Variants in VWCE observed in about 807,000 individuals in gnomAD.
The protein encoded by VWCE is von Willebrand factor C and EGF domains.
In VWCE, 68 loss-of-function variants were observed where a neutral mutation model predicts 102.9. The observed-to-expected ratio is 0.66, with a 90% confidence interval of 0.54 to 0.81. The LOEUF (loss-of-function observed/expected upper bound fraction) is 0.81, where lower values mean the gene tolerates loss of function less well. Ranked by LOEUF, VWCE falls within the 30% of genes least tolerant of loss-of-function variation. The pLI, the probability that VWCE is intolerant of heterozygous loss-of-function variation, is 0.00. For missense variants in VWCE, 1,137 were observed against 1,263.6 expected (o/e 0.90, Z 1.52); for synonymous variants, 497 against 515.4 (o/e 0.96, Z 0.48).
Position 61,259,187 on chromosome 11 carries a change from G to A in VWCE, c.2356C>T (p.Pro786Ser). The change falls in exon 20 of 20, where the codon CCC (proline) becomes TCC (serine). Residue 786 changes from proline to serine, a missense_variant. Physicochemically the swap from Pro to Ser is moderately conservative, Grantham distance 74 (BLOSUM62 -1). This residue lies in a region of VWCE where 316 missense variants were observed against 319.3 expected (regional missense o/e 0.99). Transcript: ENST00000335613. ...GGCCTCGAGGGTGATGCTGTCGGGGGCCCAGGACAGGAGCTACAGTTGACA... is the reference window on the plus strand; with the variant it reads ...GGCCTCGAGGGTGATGCTGTCGGGGACCCAGGACAGGAGCTACAGTTGACA... The part of the protein sequence containing the change: ...APVNCSSCPG[P>S]PTASPSRPVL... The A allele has an allele frequency of 6.2e-7, 1 of 1,614,206 alleles. No individual in the cohort carries two copies. Among genetic ancestry groups the A allele is most frequent in the Non-Finnish European group, 8.5e-7 (1 of 1,180,034 alleles).
At chr11:61,264,678 A>G (rs1854458939) in intron 18 of VWCE, 101 bp from the exon 19 acceptor site, 4 of 1,292,656 alleles carry the variant, frequency 3.1e-6, no homozygotes, top group African/African-American at 1.5e-5. Flanking sequence ...GACCCACGGA[A>G]AGATCCCAGG....
At chr11:61,285,176 G>A (rs376773646) in intron 5 of VWCE, among the ~76,000 whole-genome samples, 57 of 152,176 alleles carry the variant, frequency 3.7e-4, no homozygotes, top group Middle Eastern at 3.4e-3. Flanking sequence ...AGACTAAGAC[G>A]CGCAGGCTAT....
At chr11:61,291,618 G>T in intron 1 of VWCE, 42 bp from the exon 2 acceptor site, 1 of 1,374,168 alleles carries the variant, frequency 7.3e-7, no homozygotes, top group Non-Finnish European at 9.5e-7. Flanking sequence ...CTATACTGGG[G>T]GAGACATTGG....
In VWCE at chr11:61,280,629, C is replaced by G. The variant is rs1481099839; in HGVS notation, c.1319G>C (p.Cys440Ser). The change falls in exon 9 of 20, where the codon TGC (cysteine) becomes TCC (serine). Residue 440 changes from cysteine to serine, a missense_variant. Transcript: ENST00000335613. Reference protein sequence around the residue: ...PSRDGGCCPSCTGCFHSGVVR... With the variant: ...PSRDGGCCPSSTGCFHSGVVR... ...TCCCTGGCACCAGCTCTCACCTGTG[C>G]ACGATGGGCAGCACCCACCATCTCT... The G allele has an allele frequency of 6.2e-7, 1 of 1,614,022 alleles. No individual in the cohort carries two copies. Among genetic ancestry groups the G allele is most frequent in the South Asian group, 1.1e-5 (1 of 91,070 alleles).
At chr11:61,292,523 G>A (rs1002879029) in intron 1 of VWCE, among the ~76,000 whole-genome samples, 1 of 152,168 alleles carries the variant, frequency 6.6e-6, no homozygotes, top group Admixed American at 6.5e-5. Context: ...GGGAAAGGTT[G>A]AGAAGGGCAA....
At chr11:61,290,672 A>C (rs1209383499) in intron 4 of VWCE, 127 bp downstream of exon 4, 3 of 1,115,940 alleles carry the variant, frequency 2.7e-6, no homozygotes, top group Non-Finnish European at 3.7e-6. Context: ...GCCCACTCTC[A>C]AACATCAGAG....
intron 1 of VWCE, among the ~76,000 whole-genome samples, chr11:61,293,041 A>G (rs1412599081): frequency 6.6e-6 from 1 of 152,036 alleles, no homozygotes; most frequent in Admixed American, 6.6e-5. Context: ...CAGGAGTTTG[A>G]GACCAGCCTG....
Position 61,279,950 on chromosome 11 carries a change from C to G in VWCE, c.1324+674G>C, listed in dbSNP as rs573170855. Among the ~76,000 whole-genome samples the G allele has an allele frequency of 8.5e-5, 13 of 152,336 alleles. 1 individual carries two copies. Among genetic ancestry groups the G allele is most frequent in the African/African-American group, 3.1e-4 (13 of 41,560 alleles). On this transcript the variant is annotated intron_variant, in intron 9 of 19. Coordinates refer to ENST00000335613, the MANE Select transcript of VWCE (RefSeq NM_152718.2). ...CTATAGACACGGGGCTAGTCTCAAA[C>G]TCCTGGGCTCAAGTGATCCGCCCAC...
At chr11:61,292,479 G>A (rs556531033) in intron 1 of VWCE, among the ~76,000 whole-genome samples, 2 of 152,302 alleles carry the variant, frequency 1.3e-5, no homozygotes, top group South Asian at 4.1e-4. Context: ...AGGAGTGCCT[G>A]GCATGTAGTA....
chr11:61,288,685 A>G (rs939672913), intron 4 of VWCE, among the ~76,000 whole-genome samples: 2 of 152,306 alleles, frequency 1.3e-5, no homozygotes, highest in South Asian at 2.1e-4. Context: ...AAAGGCATTC[A>G]GGAGCAGATC....
intron 19 of VWCE, among the ~76,000 whole-genome samples, chr11:61,260,619 A>T (rs1191672376): frequency 6.6e-6 from 1 of 152,142 alleles, no homozygotes; most frequent in Non-Finnish European, 1.5e-5. Flanking sequence ...AATACAGCTC[A>T]CTTCCTGAAC....
At chr11:61,288,427 C>T (rs908972786) in intron 4 of VWCE, among the ~76,000 whole-genome samples, 3 of 152,058 alleles carry the variant, frequency 2.0e-5, no homozygotes, top group African/African-American at 7.2e-5. Context: ...ATGGGACACC[C>T]CCACTCTCCT....
rs545355573 is a variant in VWCE at position 61,295,279 on chromosome 11, C to T, written c.-242G>A. 5.7e-6 allele frequency: 2 copies of T among 350,696 alleles called. No homozygotes were observed. The highest frequency in any genetic ancestry group is 4.2e-5 in the East Asian group (1 of 23,830). The allele number at this position is 350,696 out of a possible 1,614,324, so 21.7% of individuals were successfully genotyped here. A position where few individuals can be genotyped will look rare whatever the true frequency, so the allele number is the denominator to read the frequency against. On this transcript the variant is annotated 5_prime_UTR_variant, in exon 1 of 20. Transcript: ENST00000335613. This position sits in a 1 kb window ranked among gnomAD's most constrained non-coding sequence, Gnocchi z 4.6. The stretch of plus-strand genomic sequence containing the variant: ...CACCTCGAAGCGAAACACACAAAGG[C>T]AACGCCGCCCGCCTGCTGATGCCTC...
chr11:61,267,415 T>A (rs1307842223), intron 16 of VWCE, 47 bp downstream of exon 16: 1 of 1,578,554 alleles, frequency 6.3e-7, no homozygotes, highest in Non-Finnish European at 8.7e-7. Context: ...CGATGTCAGT[T>A]GTGGGGGAGT....
chr11:61,268,343 T>TA (rs1162050784), intron 15 of VWCE, among the ~76,000 whole-genome samples: 2 of 151,986 alleles, frequency 1.3e-5, no homozygotes, highest in African/African-American at 2.4e-5. Context: ...CACCTGAGGT[T>TA]AGGAGATCGA....
At chr11:61,262,024 G>A (rs903501456) in intron 19 of VWCE, among the ~76,000 whole-genome samples, 3 of 152,062 alleles carry the variant, frequency 2.0e-5, no homozygotes, top group Non-Finnish European at 4.4e-5. Flanking sequence ...CGCAGTCTCA[G>A]CTCACTGCAA....
intron 16 of VWCE, among the ~76,000 whole-genome samples, chr11:61,266,798 A>G (rs911737563): frequency 1.3e-5 from 2 of 152,204 alleles, no homozygotes; most frequent in Non-Finnish European, 1.5e-5. Context: ...GTGCATGCCT[A>G]TGAAGGGCGT....
rs575727930 is a variant in VWCE, at chr11:61,267,471, G to T, written c.1956C>A (p.Cys652Ter). 6.2e-7 allele frequency: 1 copy of T among 1,614,190 alleles called. No individual in the cohort carries two copies. The highest frequency in any genetic ancestry group is 1.1e-5 in the South Asian group (1 of 91,080). The change falls in exon 16 of 20, where the codon TGC becomes TGA. Residue 652 changes from cysteine to a stop codon, truncating the protein, a stop_gained. Transcript: ENST00000335613. LOFTEE classifies it high-confidence loss of function. ...TCTGGGTGGTCCATACCAGGCAGAT[G>T]CAGCTCAGACATGGGTCCAGCACAG... is the stretch of plus-strand genomic sequence containing the variant. ...FPSVLDPCLSCICLLGSVACS... is the reference protein window; with the variant it reads ...FPSVLDPCLS
In VWCE at chr11:61,294,982, G is replaced by GC; in HGVS notation, c.55dup (p.Ala19GlyfsTer92). 1 of 1,474,524 alleles carries GC rather than the reference G, an allele frequency of 6.8e-7. No individual in the cohort carries two copies. The allele number at this position is 1,474,524 out of a possible 1,614,324, so 91.3% of individuals were successfully genotyped here. On this transcript the variant is annotated frameshift_variant, in exon 1 of 20. Transcript: ENST00000335613. LOFTEE classifies it high-confidence loss of function. The surrounding 1 kb of genome is among the most constrained non-coding windows in gnomAD (Gnocchi z 6.3). Reference sequence around the variant, plus strand: ...CCTCCCGGTGTAGCCTCGGGCTGGTGCCCCCGGCAGCAGGAGCGCGACACA... The same window carrying GC: ...CCTCCCGGTGTAGCCTCGGGCTGGTGCCCCCCGGCAGCAGGAGCGCGACACA...
Sources: allele counts gnomAD v4.1 joint callset (sites outside exome capture counted in the v4.1 genomes callset), GRCh38; gene constraint gnomAD v4.1.1; regional missense constraint gnomAD v4.1.1; non-coding constraint Gnocchi (gnomAD v3.1); transcripts MANE v1.5; gene names NCBI Gene and HGNC (gene_info 2026-07-23, HGNC 2026-07-21).